Variants in IFT88 observed in about 807,000 individuals in gnomAD.
IFT88 encodes intraflagellar transport 88.
In IFT88, 74 loss-of-function variants were observed where a neutral mutation model predicts 119.5. The observed-to-expected ratio is 0.62, with a 90% CI of 0.51 to 0.75. The LOEUF (loss-of-function observed/expected upper bound fraction) is 0.75. IFT88 is among the 30% of genes least tolerant of loss of function. The probability of loss-of-function intolerance (pLI) is 0.00; values close to 1 mark genes in which losing one functional copy is unlikely to be tolerated. For missense variants in IFT88, 961 were observed against 977.7 expected (o/e 0.98, Z 0.23); for synonymous variants, 279 against 316.7 (o/e 0.88, Z 1.26).
intron 1 of IFT88, among the ~76,000 whole-genome samples, chr13:20,574,102 G>A (rs987428796): frequency 1.3e-4 from 20 of 152,194 alleles, no homozygotes; most frequent in Non-Finnish European, 2.2e-4. Context: ...CAAAGTGAGA[G>A]GATCACTTGA....
At chr13:20,630,182 T>C (rs2047977907) in intron 15 of IFT88, among the ~76,000 whole-genome samples, 1 of 152,214 alleles carries the variant, frequency 6.6e-6, no homozygotes, top group South Asian at 2.1e-4. Context: ...ACATTTCTAT[T>C]AGACCTTTTC....
intron 2 of IFT88, among the ~76,000 whole-genome samples, chr13:20,575,714 A>G (rs1471445650): frequency 1.1e-4 from 16 of 152,220 alleles, no homozygotes; most frequent in Non-Finnish European, 1.5e-5. Context: ...CGATGAGCCA[A>G]TCAAACCTCT....
At position 20,643,530 on chromosome 13, in the gene IFT88, T is replaced by G; in HGVS notation, c.1758T>G (p.Pro586=). ...TGGTCAGTGTTATTCCAACCGATCC[T>G]CAAGTTTTATCTAAGCTAGGAGAAT... The part of the protein sequence containing the change: ...MQVVSVIPTD[P]QVLSKLGELY... The change falls in exon 19 of 26, where the codon CCT becomes CCG. Residue 586 remains proline (P), a synonymous_variant. Coordinates refer to ENST00000351808, the MANE Select transcript of IFT88 (RefSeq NM_006531.5). 1 of 1,611,238 alleles carries G rather than the reference T, an allele frequency of 6.2e-7. No homozygotes were observed. The highest frequency in any genetic ancestry group is 8.5e-7 in the Non-Finnish European group (1 of 1,177,620).
rs895449673 is a variant in IFT88 at position 20,682,743 on chromosome 13, A to G, written c.2243-7962A>G. ...TATCATCTATATAATGAATAATGTA[A>G]CACTGTGAAAATTTTTTACAAGTAG... On this transcript the variant is annotated intron_variant, in intron 24 of 25. Transcript: ENST00000351808. 5.9e-5 allele frequency among the ~76,000 whole-genome samples: 9 copies of G among 152,322 alleles called. No homozygotes were observed. The East Asian group carries it at 1.7e-3, about 29-fold the overall frequency.
intron 24 of IFT88, among the ~76,000 whole-genome samples, chr13:20,679,615 C>G (rs1594888652): frequency 6.6e-6 from 1 of 152,130 alleles, no homozygotes. Context: ...CTTGACAAGT[C>G]ATATGATGAT....
chr13:20,641,053 G>A (rs754908307), intron 17 of IFT88, among the ~76,000 whole-genome samples: 30 of 152,070 alleles, frequency 2.0e-4, no homozygotes, highest in Non-Finnish European at 2.9e-4. Context: ...AGGCTGAGGT[G>A]GGAGAATCAC....
chr13:20,633,502 G>A (rs1486425247), intron 16 of IFT88, among the ~76,000 whole-genome samples: 1 of 152,146 alleles, frequency 6.6e-6, no homozygotes, highest in Non-Finnish European at 1.5e-5. Context: ...ACCTCTGACG[G>A]GCAAGTCCAT....
intron 15 of IFT88, 104 bp from the exon 16 acceptor site, chr13:20,630,912 C>T: frequency 1.7e-6 from 1 of 602,682 alleles, no homozygotes; most frequent in Admixed American, 2.6e-5. Flanking sequence ...CCTTTTGTGC[C>T]CTTCCCTGGT....
chr13:20,569,937 C>T (rs1445343554), intron 1 of IFT88, among the ~76,000 whole-genome samples: 1 of 148,808 alleles, frequency 6.7e-6, no homozygotes, highest in Non-Finnish European at 1.5e-5. Flanking sequence ...CCCAGCTACT[C>T]GAGAGGCTGA....
In IFT88 at chr13:20,691,110, A is replaced by G; in HGVS notation, c.2410A>G (p.Lys804Glu). 6.2e-7 allele frequency: 1 copy of G among 1,614,096 alleles called. No individual in the cohort carries two copies. The highest frequency in any genetic ancestry group is 8.5e-7 in the Non-Finnish European group (1 of 1,179,952). The change falls in exon 26 of 26, where the codon AAG becomes GAG. Residue 804 changes from lysine to glutamate, a missense_variant. Coordinates refer to ENST00000351808, the MANE Select transcript of IFT88 (RefSeq NM_006531.5). ...AATAGAACGACCAAAAACTGCAGCC[A>G]AGAAAAGGATCGATGAGGATGATTT... ...PQIERPKTAAKKRIDEDDFAD... is the reference protein window; with the variant it reads ...PQIERPKTAAEKRIDEDDFAD...
chr13:20,670,552 C>T (rs9579919), intron 23 of IFT88, among the ~76,000 whole-genome samples: 168 of 117,022 alleles, frequency 1.4e-3, no homozygotes, highest in African/African-American at 5.3e-3. Context: ...TTTTTACCCT[C>T]AAATAGTTCA....
chr13:20,639,853 A>G (rs2140267405), intron 17 of IFT88, among the ~76,000 whole-genome samples: 1 of 132,360 alleles, frequency 7.6e-6, no homozygotes, highest in South Asian at 2.4e-4. Flanking sequence ...CAGTGGCATG[A>G]TCTCAGCTCA....
intron 8 of IFT88, 79 bp from the exon 9 acceptor site, chr13:20,596,936 C>T: frequency 2.7e-6 from 2 of 728,964 alleles, no homozygotes; most frequent in Non-Finnish European, 4.5e-6. Flanking sequence ...ATTCATCCAA[C>T]CTTCATGTAG....
In IFT88 at chr13:20,611,450, G is replaced by A. The variant is rs537369849; in HGVS notation, c.1113-4343G>A. On this transcript the variant is annotated intron_variant, in intron 13 of 25. Coordinates refer to ENST00000351808, the MANE Select transcript of IFT88 (RefSeq NM_006531.5). ...GAATTGCTTGAGCCTGGGAGGTGGA[G>A]GTTGCAGTGAGCCAAAATTGTGCCA... Among the ~76,000 whole-genome samples, 219 of 144,708 alleles carry A rather than the reference G, an allele frequency of 1.5e-3. 1 individual carries two copies. The highest frequency in any genetic ancestry group is 5.4e-3 in the African/African-American group (213 of 39,268). 94.9% of individuals were successfully genotyped at this position (144,708 alleles called of 152,430 possible).
chr13:20,586,898 T>C (rs556964123), intron 3 of IFT88, among the ~76,000 whole-genome samples: 1 of 46,128 alleles, frequency 2.2e-5, no homozygotes, highest in East Asian at 4.3e-3. Context: ...TATATGTATG[T>C]TTTTTCCCAT....
intron 24 of IFT88, among the ~76,000 whole-genome samples, chr13:20,687,550 C>CATGAGA (rs2058064712): frequency 2.6e-5 from 4 of 152,284 alleles, no homozygotes; most frequent in South Asian, 4.1e-4. Context: ...TATCCTAAGC[C>CATGAGA]TGTTTTCTCA....
chr13:20,678,550 G>C (rs10870741), intron 24 of IFT88, among the ~76,000 whole-genome samples: 150,621 of 152,366 alleles, frequency 0.99, 74,468 homozygotes, highest in Non-Finnish European at 1. Context: ...CAGGCTGCTC[G>C]TGCTATTGTT....
intron 2 of IFT88, among the ~76,000 whole-genome samples, chr13:20,576,955 A>G (rs2037503202): frequency 6.6e-6 from 1 of 152,230 alleles, no homozygotes; most frequent in Non-Finnish European, 1.5e-5. Context: ...TACTTTGGGT[A>G]GTATGGACAT....
At chr13:20,619,710 G>C (rs1277257652) in intron 14 of IFT88, among the ~76,000 whole-genome samples, 1 of 151,876 alleles carries the variant, frequency 6.6e-6, no homozygotes, top group Non-Finnish European at 1.5e-5. Flanking sequence ...CTTGGTGGGT[G>C]GTGCCGATAT....
Sources: allele counts gnomAD v4.1 joint callset (sites outside exome capture counted in the v4.1 genomes callset), GRCh38; gene constraint gnomAD v4.1.1; transcripts MANE v1.5; gene names NCBI Gene and HGNC (gene_info 2026-07-23, HGNC 2026-07-21).